The following NPHS2 variants were observed in gnomAD, a reference collection of about 807,000 sequenced individuals.
NPHS2 encodes NPHS2 stomatin family member, podocin.
NPHS2 carries 36 observed loss-of-function variants against 37.1 expected under a neutral mutation model. That is an observed-to-expected ratio of 0.97 (90% confidence interval 0.74 to 1.28). The LOEUF (loss-of-function observed/expected upper bound fraction) is 1.28, where lower values mean the gene tolerates loss of function less well. NPHS2 is among the 50% of genes most tolerant of loss of function. NPHS2 has a pLI of 0.00. For missense variants in NPHS2, 447 were observed against 488.1 expected (o/e 0.92, Z 0.79); for synonymous variants, 196 against 189.3 (o/e 1.04, Z -0.29).
In NPHS2 at chr1:179,561,940, G is replaced by C. The variant is rs1253554520; in HGVS notation, c.379-579C>G. Among the ~76,000 whole-genome samples, 5 of 152,230 alleles carry C rather than the reference G, an allele frequency of 3.3e-5. No homozygotes were observed. In the East Asian group the frequency reaches 9.6e-4, roughly 29 times the overall value. On this transcript the variant is annotated intron_variant, in intron 2 of 7. Transcript: ENST00000367615. ...CCTGCCTCAGCCTCCCAAGTAGCTGGTATTACAGGTGTAAGCCACCATGCC... is the reference window on the plus strand; with the variant it reads ...CCTGCCTCAGCCTCCCAAGTAGCTGCTATTACAGGTGTAAGCCACCATGCC...
intron 3 of NPHS2, 131 bp downstream of exon 3, chr1:179,561,158 G>C (rs1674120798): frequency 7.6e-6 from 6 of 787,524 alleles, no homozygotes; most frequent in East Asian, 2.4e-5. Flanking sequence ...ATAAGTAACA[G>C]ATTGGAAAAT....
intron 3 of NPHS2, among the ~76,000 whole-genome samples, chr1:179,560,498 G>T (rs577159622): frequency 7.4e-4 from 113 of 152,152 alleles, no homozygotes; most frequent in Admixed American, 1.2e-3. Flanking sequence ...AGAACAAGAT[G>T]TTCTTTGTCC....
At chr1:179,572,199 T>G (rs1274131160) in intron 1 of NPHS2, among the ~76,000 whole-genome samples, 1 of 152,196 alleles carries the variant, frequency 6.6e-6, no homozygotes, top group Non-Finnish European at 1.5e-5. Flanking sequence ...GGCCATCTTC[T>G]GTCCGGTTTG....
chr1:179,551,423 G>A lies in NPHS2; in HGVS notation c.902C>T (p.Ala301Val), dbSNP rs1673258997. The A allele has an allele frequency of 6.2e-7, 1 of 1,613,844 alleles. No individual in the cohort carries two copies. Among genetic ancestry groups the A allele is most frequent in the Non-Finnish European group, 8.5e-7 (1 of 1,180,028 alleles). The change falls in exon 8 of 8, where the codon GCT (alanine) becomes GTT (valine). Residue 301 changes from alanine to valine, a missense_variant. Physicochemically the swap from Ala to Val is moderately conservative, Grantham distance 64. Coordinates refer to ENST00000367615, the MANE Select transcript of NPHS2 (RefSeq NM_014625.4). The stretch of plus-strand genomic sequence containing the variant: ...AGCTGCCATCCTCAGGGACTCAGAA[G>A]CAGCCTTTTCCGCTTCTGCAGCAAT... ...RMIAAEAEKA[A>V]SESLRMAAEI...
At chr1:179,561,898 C>T (rs1674152330) in intron 2 of NPHS2, among the ~76,000 whole-genome samples, 1 of 152,030 alleles carries the variant, frequency 6.6e-6, no homozygotes, top group African/African-American at 2.4e-5. Flanking sequence ...CTCTGCCTCC[C>T]GGGTTCAAGC....
chr1:179,571,177 TG>T (rs1169136793), intron 1 of NPHS2, among the ~76,000 whole-genome samples: 13 of 152,246 alleles, frequency 8.5e-5, no homozygotes, highest in Non-Finnish European at 1.3e-4. Flanking sequence ...CTTTCTGCTC[TG>T]GTTTCTCCCC....
Position 179,552,657 on chromosome 1 carries a change from C to G in NPHS2, c.819G>C (p.Gly273=), listed in dbSNP as rs1673472596. 6.2e-7 allele frequency: 1 copy of G among 1,613,810 alleles called. No individual in the cohort carries two copies. Among genetic ancestry groups the G allele is most frequent in the Non-Finnish European group, 8.5e-7 (1 of 1,179,912 alleles). The part of the protein sequence containing the change: ...IEIKDVRLPA[G]LQHSLAVEAE... The stretch of plus-strand genomic sequence containing the variant: ...CCTCCACAGCCAGTGAGTGCTGAAG[C>G]CCAGCTGGCAACCTCACATCTTTAC... Residue 273 remains glycine, a synonymous_variant, in exon 7 of 8, where the codon GGG becomes GGC. Transcript: ENST00000367615.
intron 2 of NPHS2, among the ~76,000 whole-genome samples, chr1:179,563,882 C>T (rs1674238900): frequency 6.6e-6 from 1 of 152,062 alleles, no homozygotes; most frequent in African/African-American, 2.4e-5. Flanking sequence ...CAACAACAGC[C>T]CCAGCAGCAG....
intron 1 of NPHS2, among the ~76,000 whole-genome samples, chr1:179,568,579 T>C (rs12118971): frequency 0.19 from 28,624 of 152,170 alleles, 2,866 homozygotes; most frequent in East Asian, 0.35. Flanking sequence ...TAGTTATTTC[T>C]TGTCTTCTGC....
intron 5 of NPHS2, among the ~76,000 whole-genome samples, chr1:179,554,981 G>A (rs1673837104): frequency 6.6e-6 from 1 of 152,156 alleles, no homozygotes; most frequent in Non-Finnish European, 1.5e-5. Context: ...AGCAGGAAAT[G>A]GAATGATGCA....
At chr1:179,562,812 C>T (rs1294495389) in intron 2 of NPHS2, among the ~76,000 whole-genome samples, 1 of 152,214 alleles carries the variant, frequency 6.6e-6, no homozygotes, top group Non-Finnish European at 1.5e-5. Context: ...TTGTTTCTTA[C>T]CTGCTTTTAT....
intron 1 of NPHS2, among the ~76,000 whole-genome samples, chr1:179,566,411 GGTT>G (rs1674337212): frequency 1.5e-5 from 2 of 130,936 alleles, no homozygotes; most frequent in South Asian, 2.4e-4. Context: ...TTTTTGATGG[GGTT>G]GTTTTTTTCT....
chr1:179,571,844 C>CA (rs1224628388), intron 1 of NPHS2, among the ~76,000 whole-genome samples: 6 of 152,200 alleles, frequency 3.9e-5, no homozygotes, highest in African/African-American at 1.4e-4. Context: ...TAGCAGTGAG[C>CA]AAGGCTCCTT....
At chr1:179,574,619 C>T (rs1042200139) in intron 1 of NPHS2, among the ~76,000 whole-genome samples, 2 of 152,216 alleles carry the variant, frequency 1.3e-5, no homozygotes, top group African/African-American at 4.8e-5. Flanking sequence ...ACCCCAACTG[C>T]AGAAATCTTC....
At chr1:179,574,901 T>A (rs1674697166) in intron 1 of NPHS2, among the ~76,000 whole-genome samples, 1 of 152,240 alleles carries the variant, frequency 6.6e-6, no homozygotes, top group South Asian at 2.1e-4. Flanking sequence ...CTAATTTTCC[T>A]CTCTCTTAGC....
chr1:179,563,296 G>T (rs527389233), intron 2 of NPHS2, among the ~76,000 whole-genome samples: 1 of 151,986 alleles, frequency 6.6e-6, no homozygotes, highest in Non-Finnish European at 1.5e-5. Context: ...AAGCATAGAT[G>T]CATCTAAAAA....
At chr1:179,570,120 T>C (rs1043393696) in intron 1 of NPHS2, among the ~76,000 whole-genome samples, 7 of 152,216 alleles carry the variant, frequency 4.6e-5, no homozygotes, top group Non-Finnish European at 1.0e-4. Context: ...TTCTCCTGGA[T>C]AATATCCTGA....
rs375017959 is a variant in NPHS2, at chr1:179,552,654, A to T, written c.822T>A (p.Leu274=). The T allele has an allele frequency of 4.3e-6, 7 of 1,613,922 alleles. No individual in the cohort carries two copies. Among genetic ancestry groups the T allele is most frequent in the Non-Finnish European group, 5.9e-6 (7 of 1,179,980 alleles). ...CAGCCTCCACAGCCAGTGAGTGCTG[A>T]AGCCCAGCTGGCAACCTCACATCTT... is the stretch of plus-strand genomic sequence containing the variant. ...EIKDVRLPAG[L]QHSLAVEAEA... Residue 274 remains leucine (L), a synonymous_variant, in exon 7 of 8, where the codon CTT becomes CTA. Transcript: ENST00000367615.
chr1:179,570,116 T>C (rs947286830), intron 1 of NPHS2, among the ~76,000 whole-genome samples: 6 of 152,216 alleles, frequency 3.9e-5, no homozygotes, highest in Admixed American at 6.5e-5. Context: ...GAAGTTCTCC[T>C]GGATAATATC....
Sources: allele counts gnomAD v4.1 joint callset (sites outside exome capture counted in the v4.1 genomes callset), GRCh38; gene constraint gnomAD v4.1.1; transcripts MANE v1.5; gene names NCBI Gene and HGNC (gene_info 2026-07-23, HGNC 2026-07-21).